Variants in LRP2 observed in about 807,000 individuals in gnomAD.
The protein encoded by LRP2 is low-density lipoprotein receptor-related protein 2.
In LRP2, 172 loss-of-function variants were observed where a neutral mutation model predicts 531.0. The ratio of observed to expected loss-of-function variants is 0.32; its 90% CI spans 0.29 to 0.37. The LOEUF (loss-of-function observed/expected upper bound fraction) is 0.37, where lower values mean the gene tolerates loss of function less well. Among genes scored for constraint, LRP2 ranks in the 10% least tolerant of loss-of-function variants. The pLI is 1.00. For synonymous variants in LRP2, 1,992 were observed against 2,027.6 expected, an observed-to-expected ratio of 0.98 and a Z score of 0.47; for missense variants, 5,167 against 5,868.3, an observed-to-expected ratio of 0.88 and a Z score of 3.90.
intron 45 of LRP2, 32 bp downstream of exon 45, chr2:169,198,754 C>T (rs72876208): frequency 0.022 from 35,266 of 1,609,626 alleles, 479 homozygotes; most frequent in Middle Eastern, 0.052. Flanking sequence ...ATCTCTGGAA[C>T]GATAGAAAGA....
At chr2:169,188,591 T>A (rs1486100659) in intron 48 of LRP2, among the ~76,000 whole-genome samples, 4 of 152,228 alleles carry the variant, frequency 2.6e-5, no homozygotes, top group Admixed American at 2.0e-4. Flanking sequence ...TGCATTCATT[T>A]TTTCCTTAGT....
chr2:169,273,091 T>G lies in LRP2; in HGVS notation c.1976-24A>C, dbSNP rs760829952. Reference sequence around the variant, plus strand: ...AGCTGGAAGGAAAAATGCACAGGGTTAAATTGCAATTAGAAATGTGTAATT... The same window carrying G: ...AGCTGGAAGGAAAAATGCACAGGGTGAAATTGCAATTAGAAATGTGTAATT... On this transcript the variant is annotated intron_variant, in intron 14 of 78. Coordinates refer to ENST00000649046, the MANE Select transcript of LRP2 (RefSeq NM_004525.3). 2.5e-6 allele frequency: 4 copies of G among 1,613,170 alleles called. No homozygotes were observed. In the South Asian group the frequency reaches 4.4e-5, roughly 18 times the overall value.
chr2:169,340,932 A>G (rs1685545550), intron 1 of LRP2, among the ~76,000 whole-genome samples: 1 of 152,164 alleles, frequency 6.6e-6, no homozygotes, highest in African/African-American at 2.4e-5. Context: ...TGCCAGACAC[A>G]AGAGACCAGA....
chr2:169,324,943 A>G (rs953243558), intron 1 of LRP2, among the ~76,000 whole-genome samples: 3 of 152,188 alleles, frequency 2.0e-5, no homozygotes, highest in Non-Finnish European at 4.4e-5. Flanking sequence ...AGAGATATAG[A>G]AAGCTATCAG....
At chr2:169,166,576 T>G (rs1447138653) in intron 61 of LRP2, among the ~76,000 whole-genome samples, 1 of 152,228 alleles carries the variant, frequency 6.6e-6, no homozygotes, top group Non-Finnish European at 1.5e-5. Context: ...TGATGGCAGT[T>G]GTCATAGAGT....
chr2:169,194,783 CG>C, intron 46 of LRP2, among the ~76,000 whole-genome samples: 1 of 134,646 alleles, frequency 7.4e-6, no homozygotes, highest in Non-Finnish European at 1.5e-5. Flanking sequence ...TGCAGTGGTG[CG>C]ATCTCGGCTC....
At chr2:169,150,764 G>C in intron 68 of LRP2, 134 bp downstream of exon 68, 1 of 975,280 alleles carries the variant, frequency 1.0e-6, no homozygotes, top group South Asian at 1.4e-5. Flanking sequence ...TCTTGAAACA[G>C]TCATAGACGC....
Position 169,140,472 on chromosome 2 carries a change from A to T in LRP2, c.13182T>A (p.Thr4394=). The T allele has an allele frequency of 6.2e-7, 1 of 1,614,086 alleles. No homozygotes were observed. Among genetic ancestry groups the T allele is most frequent in the Non-Finnish European group, 8.5e-7 (1 of 1,179,912 alleles). The change falls in exon 72 of 79, where the codon ACT becomes ACA. Residue 4394 remains threonine, a synonymous_variant. Transcript: ENST00000649046. The part of the protein sequence containing the change: ...MHGGNCYFDE[T]DLPKCKCPSG... ...AGACTTACTTGCATTTGGGGAGGTC[A>T]GTCTCATCAAAATAGCAATTTCCTC...
rs1054964460 is a variant in LRP2 at position 169,215,712 on chromosome 2, T to C, written c.5826+541A>G. Reference sequence around the variant, plus strand: ...ATATATATTCTGTATTCTATAAATATATATTCTATATTCTATAATATATAT... The same window carrying C: ...ATATATATTCTGTATTCTATAAATACATATTCTATATTCTATAATATATAT... On this transcript the variant is annotated intron_variant, in intron 35 of 78. Transcript: ENST00000649046. 8.1e-5 allele frequency among the ~76,000 whole-genome samples: 12 copies of C among 147,944 alleles called. No individual in the cohort carries two copies. In the East Asian group the frequency reaches 2.4e-3, roughly 29 times the overall value.
Position 169,271,008 on chromosome 2 carries a change from T to A in LRP2, c.2216A>T (p.Asn739Ile). The change falls in exon 16 of 79, where the codon AAT (asparagine) becomes ATT (isoleucine). Residue 739 changes from asparagine to isoleucine, a missense_variant. Asn to Ile is a moderately radical substitution (Grantham distance 149, BLOSUM62 -3). Around this residue, in one of 6 missense-constraint regions of LRP2, gnomAD observed 2,811 missense variants for 3,058.0 expected, o/e 0.92. Coordinates refer to ENST00000649046, the MANE Select transcript of LRP2 (RefSeq NM_004525.3). ...ATCAATCCCGACAAAGAAAGAAGGATTCCCCGAAACTGGAACCATGACATC... is the reference window on the plus strand; with the variant it reads ...ATCAATCCCGACAAAGAAAGAAGGAATCCCCGAAACTGGAACCATGACATC... ...QEDVMVPVSG[N>I]PSFFVGIDFD... 1 of 1,613,240 alleles carries A rather than the reference T, an allele frequency of 6.2e-7. No homozygotes were observed. Among genetic ancestry groups the A allele is most frequent in the Non-Finnish European group, 8.5e-7 (1 of 1,179,564 alleles).
intron 36 of LRP2, among the ~76,000 whole-genome samples, chr2:169,213,248 C>A (rs73035719): frequency 0.02 from 3,082 of 152,240 alleles, 102 homozygotes; most frequent in African/African-American, 0.07. Flanking sequence ...AACTCATATG[C>A]CCTGAGCACC....
chr2:169,138,632 TCC>T lies in LRP2; in HGVS notation c.13461_13462del (p.Met4487IlefsTer10). 2 of 1,613,994 alleles carry T rather than the reference TCC, an allele frequency of 1.2e-6. No individual in the cohort carries two copies. The highest frequency in any genetic ancestry group is 3.3e-5 in the Admixed American group (2 of 60,004). On this transcript the variant is annotated frameshift_variant, in exon 75 of 79. Coordinates refer to ENST00000649046, the MANE Select transcript of LRP2 (RefSeq NM_004525.3). LOFTEE classifies it high-confidence loss of function. ...AGGTCCAAAACCAGACACTCCAATA[TCC>T]ATGTTAAGATCTGCCCCTGATCTGA...
intron 53 of LRP2, 108 bp downstream of exon 53, chr2:169,177,694 TA>T (rs1316906179): frequency 7.5e-6 from 7 of 936,152 alleles, no homozygotes; most frequent in Non-Finnish European, 1.1e-5. Flanking sequence ...AAGAAAACAC[TA>T]ACAAGTGCAA....
intron 1 of LRP2, among the ~76,000 whole-genome samples, chr2:169,342,390 T>C (rs1255074729): frequency 1.3e-5 from 2 of 152,156 alleles, no homozygotes; most frequent in Non-Finnish European, 2.9e-5. Flanking sequence ...CACTTCCAAG[T>C]GCACAAGTCT....
At chr2:169,170,048 G>T (rs1686937976) in intron 59 of LRP2, among the ~76,000 whole-genome samples, 1 of 152,116 alleles carries the variant, frequency 6.6e-6, no homozygotes, top group Non-Finnish European at 1.5e-5. Context: ...ATAATCTCCA[G>T]CTCTTAAGCT....
intron 10 of LRP2, among the ~76,000 whole-genome samples, chr2:169,281,414 C>T (rs546645391): frequency 1.5e-4 from 23 of 150,672 alleles, no homozygotes; most frequent in South Asian, 1.1e-3. Flanking sequence ...AAGAGCAAGA[C>T]TCCATCTCAA....
chr2:169,211,495 G>A (rs1241818513), intron 37 of LRP2, among the ~76,000 whole-genome samples: 2 of 152,170 alleles, frequency 1.3e-5, no homozygotes, highest in African/African-American at 4.8e-5. Context: ...AATCATATTT[G>A]TGGACTATTT....
At chr2:169,339,908 G>T (rs1442917947) in intron 1 of LRP2, among the ~76,000 whole-genome samples, 1 of 152,158 alleles carries the variant, frequency 6.6e-6, no homozygotes, top group East Asian at 1.9e-4. Context: ...ATTCCAATAT[G>T]AAGTAACCAG....
chr2:169,143,540 G>C (rs1180090780), intron 70 of LRP2, among the ~76,000 whole-genome samples: 1 of 152,194 alleles, frequency 6.6e-6, no homozygotes, highest in African/African-American at 2.4e-5. Context: ...CAGGTACTCA[G>C]GAGGCTGAGG....
Sources: gnomAD v4.1 joint callset for allele counts (sites outside exome capture counted in the v4.1 genomes callset) on GRCh38, gnomAD v4.1.1 for gene constraint, gnomAD v4.1.1 regional missense constraint, MANE v1.5 for transcripts, NCBI Gene and HGNC (gene_info 2026-07-23, HGNC 2026-07-21) for gene names.